PDE4D: variants seen among roughly 807,000 people sequenced by gnomAD.
PDE4D encodes phosphodiesterase 4D.
Under a neutral mutation model 87.4 loss-of-function variants are expected in PDE4D, and 24 were observed. That is an observed-to-expected ratio of 0.27 (90% confidence interval 0.20 to 0.39). PDE4D has a LOEUF of 0.39. Among genes scored for constraint, PDE4D ranks in the 10% least tolerant of loss-of-function variants. PDE4D has a pLI of 1.00. For missense variants in PDE4D, 714 were observed against 1,041.0 expected, an observed-to-expected ratio of 0.69 and a Z score of 4.32; for synonymous variants, 384 against 383.2, an observed-to-expected ratio of 1.00 and a Z score of -0.02.
intron 1 of PDE4D, among the ~76,000 whole-genome samples, chr5:60,517,288 A>G (rs1366408836): frequency 6.6e-6 from 1 of 152,166 alleles, no homozygotes; most frequent in East Asian, 1.9e-4. Context: ...CTTGGCATGA[A>G]CAGCCTGGGT....
At chr5:59,320,880 A>C (rs541664574) in intron 1 of PDE4D, among the ~76,000 whole-genome samples, 1 of 152,136 alleles carries the variant, frequency 6.6e-6, no homozygotes, top group Non-Finnish European at 1.5e-5. Flanking sequence ...AGCAACAATT[A>C]TTTGTTGAAG....
Position 60,239,862 on chromosome 5 carries a change from G to T in PDE4D, c.-89-54175C>A, listed in dbSNP as rs373846869. Among the ~76,000 whole-genome samples, 39 of 152,088 alleles carry T rather than the reference G, an allele frequency of 2.6e-4. No individual in the cohort carries two copies. In the South Asian group the frequency reaches 7.3e-3, roughly 28 times the overall value. The stretch of plus-strand genomic sequence containing the variant: ...TATTATTTTCTAATAGTTTTTCAAT[G>T]AAGTCTCTTTACTAATAACAATTAG... On this transcript the variant is annotated intron_variant, in intron 1 of 16. Coordinates refer to the PDE4D transcript ENST00000502484.
intron 1 of PDE4D, among the ~76,000 whole-genome samples, chr5:59,219,729 T>C (rs1030223234): frequency 6.6e-6 from 1 of 152,134 alleles, no homozygotes; most frequent in Non-Finnish European, 1.5e-5. Context: ...AAATAGCATA[T>C]AAATACTAAA....
chr5:60,161,953 A>C (rs1186249198), intron 2 of PDE4D, among the ~76,000 whole-genome samples: 3 of 152,122 alleles, frequency 2.0e-5, no homozygotes, highest in Non-Finnish European at 4.4e-5. Flanking sequence ...CCTGGTCTTC[A>C]AGAAAGATGC....
intron 1 of PDE4D, among the ~76,000 whole-genome samples, chr5:59,457,247 A>T: frequency 6.6e-6 from 1 of 152,226 alleles, no homozygotes; most frequent in Admixed American, 6.5e-5. Flanking sequence ...CGCCACCCTG[A>T]TCAATCAGTA....
chr5:59,118,086 T>C (rs527343835), intron 5 of PDE4D, among the ~76,000 whole-genome samples: 1 of 152,338 alleles, frequency 6.6e-6, no homozygotes, highest in East Asian at 1.9e-4. Context: ...TTCTTCATGG[T>C]GCCCGGCACA....
chr5:59,848,520 C>T (rs1032429609), intron 1 of PDE4D, among the ~76,000 whole-genome samples: 3 of 151,930 alleles, frequency 2.0e-5, no homozygotes, highest in Admixed American at 1.3e-4. Flanking sequence ...ATTTTAATGA[C>T]ATAGCAAAAT....
At chr5:59,193,175 T>G (rs1418883290) in intron 3 of PDE4D, among the ~76,000 whole-genome samples, 2 of 152,208 alleles carry the variant, frequency 1.3e-5, no homozygotes, top group Admixed American at 1.3e-4. Context: ...ATCATGTACC[T>G]AATTATACTA....
chr5:60,054,679 T>TAA (rs71606622), intron 2 of PDE4D, among the ~76,000 whole-genome samples: 16 of 150,968 alleles, frequency 1.1e-4, no homozygotes, highest in East Asian at 5.9e-4. Flanking sequence ...TAAAGTATAA[T>TAA]AAAAAAAAAT....
At chr5:60,139,581 G>T (rs546426085) in intron 2 of PDE4D, among the ~76,000 whole-genome samples, 29 of 152,006 alleles carry the variant, frequency 1.9e-4, no homozygotes, top group Admixed American at 1.8e-3. Context: ...GCCAACGAGA[G>T]AATAACTCAA....
At chr5:60,255,411 C>A (rs941723692) in intron 1 of PDE4D, among the ~76,000 whole-genome samples, 1 of 151,858 alleles carries the variant, frequency 6.6e-6, no homozygotes, top group African/African-American at 2.4e-5. Context: ...AGGAATCCCT[C>A]TTTTATATGT....
At chr5:60,506,812 A>T (rs1312195774) in intron 1 of PDE4D, among the ~76,000 whole-genome samples, 1 of 152,196 alleles carries the variant, frequency 6.6e-6, no homozygotes, top group Admixed American at 6.5e-5. Flanking sequence ...AAACAAGGAT[A>T]GGACTTCCCG....
At chr5:59,186,845 G>A (rs1024201123) in intron 3 of PDE4D, among the ~76,000 whole-genome samples, 23 of 152,282 alleles carry the variant, frequency 1.5e-4, no homozygotes, top group East Asian at 3.9e-4. Flanking sequence ...TCAAATGGCC[G>A]ACTGCTGACA....
intron 1 of PDE4D, among the ~76,000 whole-genome samples, chr5:59,378,169 C>T (rs772351642): frequency 4.6e-5 from 7 of 152,128 alleles, no homozygotes; most frequent in Non-Finnish European, 8.8e-5. Flanking sequence ...CTTTAGCAAA[C>T]TAATGCAAGA....
intron 2 of PDE4D, among the ~76,000 whole-genome samples, chr5:60,038,830 G>A (rs1361381145): frequency 2.0e-5 from 3 of 151,620 alleles, no homozygotes; most frequent in Non-Finnish European, 4.4e-5. Context: ...AAAAACACAT[G>A]AAAAAATGCT....
chr5:59,521,445 G>C (rs72767802), intron 1 of PDE4D, among the ~76,000 whole-genome samples: 2 of 152,010 alleles, frequency 1.3e-5, no homozygotes, highest in Non-Finnish European at 2.9e-5. Flanking sequence ...GCAGGTAAAA[G>C]AGAGGATTTT....
chr5:60,492,411 C>T (rs528480152), upstream of PDE4D, among the ~76,000 whole-genome samples: 3 of 152,158 alleles, frequency 2.0e-5, no homozygotes, highest in Admixed American at 2.0e-4. Flanking sequence ...GCACTCCAGC[C>T]TCAGTGACAG....
intron 1 of PDE4D, among the ~76,000 whole-genome samples, chr5:60,355,949 C>T (rs1031162622): frequency 6.6e-6 from 1 of 152,230 alleles, no homozygotes; most frequent in East Asian, 1.9e-4. Flanking sequence ...ACATTCCAGA[C>T]TTGTGCTGTT....
chr5:60,272,220 C>A (rs546808536), intron 1 of PDE4D, among the ~76,000 whole-genome samples: 52 of 152,348 alleles, frequency 3.4e-4, no homozygotes, highest in Non-Finnish European at 7.2e-4. Flanking sequence ...CCATACAACA[C>A]AAATCAGGAG....
Sources: gnomAD v4.1 joint callset for allele counts (sites outside exome capture counted in the v4.1 genomes callset) on GRCh38, gnomAD v4.1.1 for gene constraint, MANE v1.5 for transcripts, NCBI Gene and HGNC (gene_info 2026-07-23, HGNC 2026-07-21) for gene names.